Variants in KHDC4 observed in about 807,000 individuals in gnomAD.
KHDC4 encodes KH homology domain-containing protein 4.
KHDC4 carries 19 observed loss-of-function variants against 74.5 expected under a neutral mutation model. That is an observed-to-expected ratio of 0.26 (90% confidence interval 0.18 to 0.37). The LOEUF is 0.37. Ranked by LOEUF, KHDC4 falls within the 10% of genes least tolerant of loss-of-function variation. The pLI is 1.00. For missense variants in KHDC4, 632 were observed against 754.1 expected, an observed-to-expected ratio of 0.84 and a Z score of 1.90; for synonymous variants, 253 against 266.1, an observed-to-expected ratio of 0.95 and a Z score of 0.48.
intron 2 of KHDC4, among the ~76,000 whole-genome samples, chr1:155,931,573 C>T (rs1338662176): frequency 6.6e-6 from 1 of 152,192 alleles, no homozygotes; most frequent in Non-Finnish European, 1.5e-5. Context: ...CACAGGCATG[C>T]ACCACACCTA....
At chr1:155,926,918 G>C in intron 5 of KHDC4, 79 bp from the exon 6 acceptor site, 1 of 1,514,882 alleles carries the variant, frequency 6.6e-7, no homozygotes, top group Non-Finnish European at 9.2e-7. Flanking sequence ...ATTATTCACC[G>C]TAAATCTGCT....
intron 4 of KHDC4, 31 bp downstream of exon 4, chr1:155,929,265 C>G (rs369840520): frequency 6.7e-7 from 1 of 1,495,612 alleles, no homozygotes; most frequent in Non-Finnish European, 9.3e-7. Flanking sequence ...TACACCCAAC[C>G]CTTCCATAAA....
At position 155,933,634 on chromosome 1, in the gene KHDC4, T is replaced by G. The variant is rs1019681743; in HGVS notation, c.254A>C (p.Lys85Thr). ...KLKPTQNASE[K>T]LQAPGKGLTS... ...TGGAGACCCTTCAACTTCAAATACC[T>G]TCTCAGAAGCATTCTGAGTTGGTTT... is the stretch of plus-strand genomic sequence containing the variant. The change falls in exon 2 of 14, where the codon AAG becomes ACG. Residue 85 changes from lysine (K) to threonine (T), a missense_variant and splice_region_variant. This residue lies in a region of KHDC4 where 233 missense variants were observed against 342.6 expected (regional missense o/e 0.68). Coordinates refer to ENST00000368321, the MANE Select transcript of KHDC4 (RefSeq NM_014949.4). 6.3e-7 allele frequency: 1 copy of G among 1,595,190 alleles called. No individual in the cohort carries two copies. The highest frequency in any genetic ancestry group is 1.7e-5 in the Admixed American group (1 of 59,088).
rs1276635963 is a variant in KHDC4, at chr1:155,934,378, A to C, written c.-5T>G. ...TGTCGCGCTCCCCGCGGACATGGCG[A>C]CCGCTTCTACTCAACCACCCGCCAA... On this transcript the variant is annotated 5_prime_UTR_variant, in exon 1 of 14. Coordinates refer to ENST00000368321, the MANE Select transcript of KHDC4 (RefSeq NM_014949.4). The C allele has an allele frequency of 6.2e-7, 1 of 1,611,688 alleles. No individual in the cohort carries two copies. The highest frequency in any genetic ancestry group is 8.5e-7 in the Non-Finnish European group (1 of 1,179,834).
chr1:155,918,797 C>T (rs1673788458), intron 10 of KHDC4, among the ~76,000 whole-genome samples: 1 of 152,168 alleles, frequency 6.6e-6, no homozygotes, highest in African/African-American at 2.4e-5. Flanking sequence ...CTAACGTTTA[C>T]TGACAGATTG....
At chr1:155,931,662 T>G (rs1282242159) in intron 2 of KHDC4, among the ~76,000 whole-genome samples, 4 of 152,320 alleles carry the variant, frequency 2.6e-5, no homozygotes, top group East Asian at 1.9e-4. Context: ...TGGCCTCAAG[T>G]GATCCACCCA....
At chr1:155,929,619 C>A in intron 3 of KHDC4, 93 bp downstream of exon 3, 1 of 1,405,074 alleles carries the variant, frequency 7.1e-7, no homozygotes, top group Non-Finnish European at 9.7e-7. Context: ...TGACCCAAAC[C>A]CACTAATAAA....
chr1:155,923,345 A>C (rs1171329141), intron 8 of KHDC4, among the ~76,000 whole-genome samples: 1 of 152,202 alleles, frequency 6.6e-6, no homozygotes, highest in Non-Finnish European at 1.5e-5. Context: ...ATGCTAATAC[A>C]AGCCAAAGAA....
rs1673928305 is a variant in KHDC4, at chr1:155,924,076, G to C, written c.894-389C>G. ...TTCACGCCTGTAATCCCAGCACTTT[G>C]GGAGACCGAGACAGGCGGATCACGA... On this transcript the variant is annotated intron_variant, in intron 7 of 13. Transcript: ENST00000368321. 2.0e-5 allele frequency among the ~76,000 whole-genome samples: 3 copies of C among 152,084 alleles called. No individual in the cohort carries two copies. In the South Asian group the frequency reaches 6.2e-4, roughly 32 times the overall value.
Position 155,915,627 on chromosome 1 carries a change from C to T in KHDC4, c.1645+246G>A. The T allele has an allele frequency of 9.3e-6, 4 of 429,318 alleles. No homozygotes were observed. The South Asian group carries it at 2.5e-4, about 27-fold the overall frequency. 26.6% of individuals were successfully genotyped at this position (429,318 alleles called of 1,614,324 possible). On this transcript the variant is annotated intron_variant, in intron 13 of 13. Coordinates refer to ENST00000368321, the MANE Select transcript of KHDC4 (RefSeq NM_014949.4). ...GGTTGAAGCGATTCTCCTGCCTCAACCCCCTGAGTAGCTGGAATTACAGGC... is the reference window on the plus strand; with the variant it reads ...GGTTGAAGCGATTCTCCTGCCTCAATCCCCTGAGTAGCTGGAATTACAGGC...
intron 10 of KHDC4, among the ~76,000 whole-genome samples, chr1:155,921,027 G>T (rs1258218471): frequency 2.0e-5 from 3 of 152,088 alleles, no homozygotes; most frequent in Non-Finnish European, 2.9e-5. Context: ...ATTATCCACG[G>T]GCTGCTTCTG....
intron 10 of KHDC4, among the ~76,000 whole-genome samples, chr1:155,920,671 G>A (rs1335080809): frequency 6.6e-6 from 1 of 152,088 alleles, no homozygotes; most frequent in Non-Finnish European, 1.5e-5. Flanking sequence ...CTCTTAAGTA[G>A]CTGAAATACA....
intron 8 of KHDC4, 123 bp from the exon 9 acceptor site, chr1:155,922,041 T>A (rs1214159282): frequency 5.2e-6 from 3 of 581,016 alleles, no homozygotes; most frequent in Non-Finnish European, 9.0e-6. Flanking sequence ...AATGTTCCAA[T>A]CAAATTTAAA....
At chr1:155,933,067 T>C (rs1475978801) in intron 2 of KHDC4, among the ~76,000 whole-genome samples, 1 of 152,210 alleles carries the variant, frequency 6.6e-6, no homozygotes, top group Non-Finnish European at 1.5e-5. Flanking sequence ...GTTATGTTGC[T>C]TTAAATGACT....
intron 10 of KHDC4, among the ~76,000 whole-genome samples, chr1:155,919,246 C>A (rs968046308): frequency 7.9e-5 from 12 of 152,046 alleles, no homozygotes; most frequent in Admixed American, 2.0e-4. Flanking sequence ...GGGATTACAG[C>A]TACATGAGCC....
intron 11 of KHDC4, 190 bp from the exon 12 acceptor site, chr1:155,916,927 T>C: frequency 2.1e-6 from 1 of 481,906 alleles, no homozygotes. Context: ...CTATAGGACT[T>C]GGACAGGGGT....
At chr1:155,927,226 A>G in intron 4 of KHDC4, 70 bp from the exon 5 acceptor site, 2 of 1,159,754 alleles carry the variant, frequency 1.7e-6, no homozygotes, top group South Asian at 1.2e-5. Flanking sequence ...ATGGGTCACC[A>G]GATCTAATTT....
chr1:155,921,059 T>C (rs754985255), intron 10 of KHDC4, among the ~76,000 whole-genome samples: 1 of 152,194 alleles, frequency 6.6e-6, no homozygotes, highest in Non-Finnish European at 1.5e-5. Context: ...CCGAGTGTGA[T>C]AGTTGTGACA....
In KHDC4 at chr1:155,933,862, A is replaced by T. The variant is rs754545789; in HGVS notation, c.39-13T>A. The stretch of plus-strand genomic sequence containing the variant: ...TTTGCTGCGGCGCCTACATGGAGAA[A>T]AAGGAAAACATTAGGCCCCAAAGCT... On this transcript the variant is annotated splice_polypyrimidine_tract_variant and intron_variant, in intron 1 of 13. Coordinates refer to ENST00000368321, the MANE Select transcript of KHDC4 (RefSeq NM_014949.4). 13 of 1,512,952 alleles carry T rather than the reference A, an allele frequency of 8.6e-6. No individual in the cohort carries two copies. Among genetic ancestry groups the T allele is most frequent in the Non-Finnish European group, 1.2e-5 (13 of 1,125,808 alleles). The allele number at this position is 1,512,952 out of a possible 1,614,324, so 93.7% of individuals were successfully genotyped here.
Sources: gnomAD v4.1 joint callset for allele counts (sites outside exome capture counted in the v4.1 genomes callset) on GRCh38, gnomAD v4.1.1 for gene constraint, gnomAD v4.1.1 regional missense constraint, MANE v1.5 for transcripts, NCBI Gene and HGNC (gene_info 2026-07-23, HGNC 2026-07-21) for gene names.